Variants in RIMS2 observed in about 807,000 individuals in gnomAD.
The protein encoded by RIMS2 is regulating synaptic membrane exocytosis 2.
RIMS2 carries 59 observed loss-of-function variants against 174.4 expected under a neutral mutation model. The ratio of observed to expected loss-of-function variants is 0.34; its 90% CI spans 0.27 to 0.42. The LOEUF (loss-of-function observed/expected upper bound fraction) is 0.42. RIMS2 is among the 10% of genes least tolerant of loss of function. The probability of loss-of-function intolerance (pLI) is 1.00; values close to 1 mark genes in which losing one functional copy is unlikely to be tolerated. For synonymous variants in RIMS2, 606 were observed against 572.5 expected (o/e 1.06, Z -0.84); for missense variants, 1,620 against 1,666.3 (o/e 0.97, Z 0.48).
intron 19 of RIMS2, among the ~76,000 whole-genome samples, chr8:104,096,675 C>G (rs1366208942): frequency 6.6e-6 from 1 of 152,004 alleles, no homozygotes; most frequent in Non-Finnish European, 1.5e-5. Context: ...CAAGACCATC[C>G]TGGCCAACGT....
chr8:103,517,572 T>C (rs1350112642), intron 1 of RIMS2, among the ~76,000 whole-genome samples: 2 of 152,226 alleles, frequency 1.3e-5, no homozygotes, highest in African/African-American at 2.4e-5. Flanking sequence ...GAATAAATTA[T>C]CTAATGATGT....
intron 17 of RIMS2, among the ~76,000 whole-genome samples, chr8:104,012,639 T>C (rs1336658982): frequency 3.3e-5 from 5 of 152,114 alleles, no homozygotes; most frequent in African/African-American, 1.2e-4. Flanking sequence ...TTAGGAAACA[T>C]TTATTGATCA....
At chr8:103,512,744 C>A (rs115478591) in intron 1 of RIMS2, among the ~76,000 whole-genome samples, 4,585 of 152,146 alleles carry the variant, frequency 0.03, 205 homozygotes, top group African/African-American at 0.1. Context: ...GAAAAGTGGG[C>A]AATCCTTAGG....
intron 1 of RIMS2, among the ~76,000 whole-genome samples, chr8:103,512,297 A>G (rs1485908496): frequency 1.3e-5 from 2 of 152,252 alleles, no homozygotes; most frequent in Non-Finnish European, 2.9e-5. Context: ...CAGATTCACT[A>G]TCACAAAGCA....
chr8:103,992,212 G>C (rs993519365), intron 17 of RIMS2, among the ~76,000 whole-genome samples: 1 of 150,486 alleles, frequency 6.6e-6, no homozygotes, highest in Non-Finnish European at 1.5e-5. Flanking sequence ...AGGTTCAAGC[G>C]ATTCTCCTGC....
intron 19 of RIMS2, among the ~76,000 whole-genome samples, chr8:104,025,996 CTG>C (rs138861281): frequency 0.13 from 19,436 of 152,132 alleles, 1,689 homozygotes; most frequent in Non-Finnish European, 0.19. Context: ...TGAGTACACT[CTG>C]TAATCTTTGC....
At chr8:104,234,438 G>A (rs2099248315) in intron 19 of RIMS2, among the ~76,000 whole-genome samples, 1 of 151,590 alleles carries the variant, frequency 6.6e-6, no homozygotes. Flanking sequence ...AAAAGCCAAG[G>A]AGTGAGGTAG....
chr8:103,642,762 T>C (rs2096255416), intron 1 of RIMS2, among the ~76,000 whole-genome samples: 1 of 152,018 alleles, frequency 6.6e-6, no homozygotes, highest in Non-Finnish European at 1.5e-5. Flanking sequence ...TTTCTTTTTT[T>C]TATGAACAGA....
rs1340904536 is a variant in RIMS2, at chr8:103,728,175, G to A, written c.387+30879G>A. Among the ~76,000 whole-genome samples, 3 of 151,920 alleles carry A rather than the reference G, an allele frequency of 2.0e-5. No individual in the cohort carries two copies. In the East Asian group the frequency reaches 5.8e-4, roughly 29 times the overall value. On this transcript the variant is annotated intron_variant, in intron 2 of 23. Transcript: ENST00000504942. ...TTTTACTTCTTTGGTTAATTCCTAGGCATTTAATTTTATTTGTGTTTATTG... is the reference window on the plus strand; with the variant it reads ...TTTTACTTCTTTGGTTAATTCCTAGACATTTAATTTTATTTGTGTTTATTG...
intron 19 of RIMS2, among the ~76,000 whole-genome samples, chr8:104,185,956 G>A (rs2098965754): frequency 6.6e-6 from 1 of 151,572 alleles, no homozygotes; most frequent in Non-Finnish European, 1.5e-5. Context: ...ACTATTTACA[G>A]TAGAAAAGAT....
intron 3 of RIMS2, among the ~76,000 whole-genome samples, chr8:103,824,628 C>T (rs886674374): frequency 2.0e-5 from 3 of 152,168 alleles, no homozygotes; most frequent in Admixed American, 6.6e-5. Context: ...GCAGAGAACG[C>T]TTTCAAGGTC....
chr8:103,702,852 G>GTTTTTTTTT (rs59947900), intron 2 of RIMS2, among the ~76,000 whole-genome samples: 22 of 117,246 alleles, frequency 1.9e-4, no homozygotes, highest in Middle Eastern at 4.8e-3. Flanking sequence ...TCCTCCAGCT[G>GTTTTTTTTT]TTTTTTTTTT....
intron 19 of RIMS2, among the ~76,000 whole-genome samples, chr8:104,107,585 C>G (rs1385259134): frequency 6.6e-6 from 1 of 152,204 alleles, no homozygotes; most frequent in East Asian, 1.9e-4. Flanking sequence ...GAGCTTCCAA[C>G]ATAGTACTTC....
intron 19 of RIMS2, among the ~76,000 whole-genome samples, chr8:104,183,589 A>T (rs2136041973): frequency 6.6e-6 from 1 of 151,716 alleles, no homozygotes; most frequent in Non-Finnish European, 1.5e-5. Context: ...TATTTTGAAA[A>T]TAAACTTTGA....
intron 1 of RIMS2, among the ~76,000 whole-genome samples, chr8:103,529,302 C>T (rs1428051928): frequency 2.0e-5 from 3 of 152,104 alleles, no homozygotes; most frequent in African/African-American, 7.2e-5. Flanking sequence ...GTTGCTTTGT[C>T]TACCTACTCA....
Position 104,023,201 on chromosome 8 carries a change from C to T in RIMS2, c.3334+8586C>T, listed in dbSNP as rs896893096. The stretch of plus-strand genomic sequence containing the variant: ...AGGATAGTTGAAGCTAGAGGGGTGA[C>T]TCATATATGAACTTACAGATCATAT... On this transcript the variant is annotated intron_variant, in intron 19 of 23. Transcript: ENST00000504942. 5.9e-5 allele frequency among the ~76,000 whole-genome samples: 9 copies of T among 151,674 alleles called. No homozygotes were observed. In the South Asian group the frequency reaches 1.9e-3, roughly 32 times the overall value.
chr8:103,883,760 AAGCATT>A, intron 3 of RIMS2, among the ~76,000 whole-genome samples: 1 of 151,880 alleles, frequency 6.6e-6, no homozygotes, highest in Non-Finnish European at 1.5e-5. Context: ...CATTATTGTC[AAGCATT>A]AGTTGTTGGC....
chr8:103,864,973 G>A (rs2154503942), intron 3 of RIMS2, among the ~76,000 whole-genome samples: 1 of 152,152 alleles, frequency 6.6e-6, no homozygotes, highest in South Asian at 2.1e-4. Flanking sequence ...TTTATATTCA[G>A]AATGGATTGA....
In RIMS2 at chr8:103,542,799, A is replaced by G. The variant is rs1427472551; in HGVS notation, c.176+41737A>G. ...ATGGTCATCTCAATAGATGCAGAAAAGCATTTGAAAAAACTGAGCATCCAT... is the reference window on the plus strand; with the variant it reads ...ATGGTCATCTCAATAGATGCAGAAAGGCATTTGAAAAAACTGAGCATCCAT... On this transcript the variant is annotated intron_variant, in intron 1 of 23. Transcript: ENST00000504942. Among the ~76,000 whole-genome samples, 3 of 152,212 alleles carry G rather than the reference A, an allele frequency of 2.0e-5. 1 individual carries two copies. Among genetic ancestry groups the G allele is most frequent in the Admixed American group, 1.3e-4 (2 of 15,290 alleles).
Sources: allele counts gnomAD v4.1 joint callset (sites outside exome capture counted in the v4.1 genomes callset), GRCh38; gene constraint gnomAD v4.1.1; transcripts MANE v1.5; gene names NCBI Gene and HGNC (gene_info 2026-07-23, HGNC 2026-07-21).